The following DAGLB variants were observed in gnomAD, a reference collection of about 807,000 sequenced individuals.
DAGLB encodes the protein diacylglycerol lipase beta, also known as diacylglycerol lipase-beta.
In DAGLB, 66 loss-of-function variants were observed where a neutral mutation model predicts 72.1. The ratio of observed to expected loss-of-function variants is 0.92; its 90% CI spans 0.75 to 1.12. The LOEUF (loss-of-function observed/expected upper bound fraction) is 1.12, where lower values mean the gene tolerates loss of function less well. Ranked by LOEUF, DAGLB falls within the 50% of genes most tolerant of loss-of-function variation. The pLI, the probability that DAGLB is intolerant of heterozygous loss-of-function variation, is 0.00. For synonymous variants in DAGLB, 414 were observed against 359.5 expected (o/e 1.15, Z -1.71); for missense variants, 1,065 against 884.9 (o/e 1.20, Z -2.58).
chr7:6,445,914 T>C (rs1250420637), intron 2 of DAGLB, 39 bp downstream of exon 2: 3 of 1,548,336 alleles, frequency 1.9e-6, no homozygotes, highest in Non-Finnish European at 1.7e-6. Context: ...AATAAAGCTA[T>C]AAAAAAATAG....
chr7:6,425,941 T>C, intron 7 of DAGLB, 47 bp downstream of exon 7: 2 of 1,607,964 alleles, frequency 1.2e-6, no homozygotes, highest in Non-Finnish European at 1.7e-6. Context: ...CTCTAACAGC[T>C]CCAGGACCCA....
intron 9 of DAGLB, among the ~76,000 whole-genome samples, chr7:6,419,369 GC>G (rs1400886405): frequency 6.6e-6 from 1 of 152,070 alleles, no homozygotes; most frequent in Admixed American, 6.6e-5. Flanking sequence ...TCAACTCCAG[GC>G]CACACTCACT....
At chr7:6,446,155 T>C (rs1016284244) in intron 1 of DAGLB, 51 bp from the exon 2 acceptor site, 18 of 1,550,864 alleles carry the variant, frequency 1.2e-5, no homozygotes, top group Non-Finnish European at 1.5e-5. Context: ...AAGGAGCTGC[T>C]GTGTAGAACA....
chr7:6,446,128 G>C, intron 1 of DAGLB, 24 bp from the exon 2 acceptor site: 1 of 1,582,010 alleles, frequency 6.3e-7, no homozygotes, highest in South Asian at 1.1e-5. Context: ...AAAAGGGAAG[G>C]GTCAGAAATG....
At chr7:6,422,676 C>G (rs1784170518) in intron 8 of DAGLB, 1 of 152,598 alleles carries the variant, frequency 6.6e-6, no homozygotes, top group Non-Finnish European at 1.5e-5. Flanking sequence ...ACGGTGGAAG[C>G]TCAACATTGG....
rs1306961929 is a variant in DAGLB at position 6,413,035 on chromosome 7, C to T, written c.1428-1G>A. The T allele has an allele frequency of 1.2e-6, 2 of 1,612,154 alleles. No homozygotes were observed. The highest frequency in any genetic ancestry group is 2.2e-5 in the South Asian group (2 of 91,024). ...CTGAGAATATTCCTGCAGAGCTTTG[C>T]TGAAATTCCAAACAGAGAGAGGATG... is the stretch of plus-strand genomic sequence containing the variant. On this transcript the variant is annotated splice_acceptor_variant, in intron 11 of 14. Coordinates refer to ENST00000297056, the MANE Select transcript of DAGLB (RefSeq NM_139179.4). LOFTEE classifies it high-confidence loss of function.
At chr7:6,427,626 T>A (rs1196707887) in intron 6 of DAGLB, among the ~76,000 whole-genome samples, 1 of 152,082 alleles carries the variant, frequency 6.6e-6, no homozygotes, top group East Asian at 1.9e-4. Context: ...TCATGATCTT[T>A]AAAATAAATA....
At chr7:6,431,878 C>T (rs1278688447) in intron 5 of DAGLB, among the ~76,000 whole-genome samples, 1 of 152,148 alleles carries the variant, frequency 6.6e-6, no homozygotes, top group Non-Finnish European at 1.5e-5. Flanking sequence ...ACAGGTGATG[C>T]AATACAACCA....
At chr7:6,413,557 G>A (rs1783804191) in intron 11 of DAGLB, among the ~76,000 whole-genome samples, 2 of 152,006 alleles carry the variant, frequency 1.3e-5, no homozygotes, top group South Asian at 2.1e-4. Context: ...ATGAACCCGG[G>A]AGGCGGAGCT....
chr7:6,440,451 G>A (rs1272308807), intron 2 of DAGLB, among the ~76,000 whole-genome samples: 1 of 151,898 alleles, frequency 6.6e-6, no homozygotes, highest in African/African-American at 2.4e-5. Flanking sequence ...TCTGGATGGA[G>A]AGGACTGAAT....
chr7:6,436,661 A>T lies in DAGLB; in HGVS notation c.248-128T>A, dbSNP rs142391523. ...GCACACCCGCCTCCTGACTTTTTCT[A>T]CTTATAATTGGTAATCAGCACCTAA... On this transcript the variant is annotated intron_variant, in intron 2 of 14. Coordinates refer to ENST00000297056, the MANE Select transcript of DAGLB (RefSeq NM_139179.4). The T allele has an allele frequency of 7.2e-4, 839 of 1,161,988 alleles. 11 individuals are homozygous for T. The African/African-American group carries it at 0.011, about 16-fold the overall frequency. 72.0% of individuals were successfully genotyped at this position (1,161,988 alleles called of 1,614,324 possible). A position where few individuals can be genotyped will look rare whatever the true frequency, so the allele number is the denominator to read the frequency against.
chr7:6,421,771 C>A lies in DAGLB; in HGVS notation c.1174G>T (p.Val392Leu). Reference protein sequence around the residue: ...VLTDLSAESEVLDVECEVQDR... With the variant: ...VLTDLSAESELLDVECEVQDR... ...TGCACCTCACACTCCACGTCCAGCA[C>A]CTCACTCTCCGCTGACAGGTCCGTA... The change falls in exon 9 of 15, where the codon GTG (valine) becomes TTG (leucine). Residue 392 changes from valine (V) to leucine (L), a missense_variant. By Grantham distance (32) the Val-to-Leu change is conservative. Coordinates refer to ENST00000297056, the MANE Select transcript of DAGLB (RefSeq NM_139179.4). 1 of 1,613,444 alleles carries A rather than the reference C, an allele frequency of 6.2e-7. No homozygotes were observed. Among genetic ancestry groups the A allele is most frequent in the Non-Finnish European group, 8.5e-7 (1 of 1,179,682 alleles).
At chr7:6,412,492 G>C in intron 13 of DAGLB, 1 of 338,332 alleles carries the variant, frequency 3.0e-6, no homozygotes. Context: ...TAGAGACAGG[G>C]TCTTGTTGTG....
Position 6,418,621 on chromosome 7 carries a change from G to A in DAGLB, c.1219-1700C>T, listed in dbSNP as rs903576691. ...GGGTGGAGGAAATCCCACAGAAGATGGGAGATGGTTTTTGATCATCTCTAA... is the reference window on the plus strand; with the variant it reads ...GGGTGGAGGAAATCCCACAGAAGATAGGAGATGGTTTTTGATCATCTCTAA... On this transcript the variant is annotated intron_variant, in intron 9 of 14. Coordinates refer to ENST00000297056, the MANE Select transcript of DAGLB (RefSeq NM_139179.4). Among the ~76,000 whole-genome samples, 6 of 152,040 alleles carry A rather than the reference G, an allele frequency of 3.9e-5. No individual in the cohort carries two copies. In the East Asian group the frequency reaches 1.2e-3, roughly 29 times the overall value.
intron 8 of DAGLB, among the ~76,000 whole-genome samples, chr7:6,423,249 T>C (rs2115260171): frequency 6.6e-6 from 1 of 152,104 alleles, no homozygotes; most frequent in East Asian, 1.9e-4. Context: ...GACCCTGTCT[T>C]AGAAACAAAC....
intron 11 of DAGLB, among the ~76,000 whole-genome samples, chr7:6,414,260 T>C (rs1434172659): frequency 6.6e-6 from 1 of 151,982 alleles, no homozygotes; most frequent in Non-Finnish European, 1.5e-5. Flanking sequence ...TCTGCCGGCC[T>C]TGGCCTCCCA....
At chr7:6,429,412 C>T (rs140929850) in intron 6 of DAGLB, among the ~76,000 whole-genome samples, 13 of 151,442 alleles carry the variant, frequency 8.6e-5, no homozygotes, top group African/African-American at 3.2e-4. Flanking sequence ...ACCAAAGAGA[C>T]ACAGCAACTA....
chr7:6,418,280 G>A (rs956317164), intron 9 of DAGLB, among the ~76,000 whole-genome samples: 11 of 152,038 alleles, frequency 7.2e-5, no homozygotes, highest in African/African-American at 2.7e-4. Flanking sequence ...GAGGCAGGAG[G>A]ATCACTTGAG....
At position 6,410,337 on chromosome 7, in the gene DAGLB, C is replaced by T. The variant is rs1423631493; in HGVS notation, c.1613G>A (p.Gly538Glu). The change falls in exon 14 of 15, where the codon GGA becomes GAA. Residue 538 changes from glycine (G) to glutamate (E), a missense_variant. Physicochemically the swap from Gly to Glu is moderately conservative, Grantham distance 98 (BLOSUM62 -2). Coordinates refer to ENST00000297056, the MANE Select transcript of DAGLB (RefSeq NM_139179.4). The stretch of plus-strand genomic sequence containing the variant: ...CTCCGTGGGCAAGTTGTTGGGGTTT[C>T]CTCCAAACAGTTCGTACCACAAACC... ...LHGLWYELFG[G>E]NPNNLPTELD... The T allele has an allele frequency of 1.9e-6, 3 of 1,613,900 alleles. No homozygotes were observed. The highest frequency in any genetic ancestry group is 1.7e-5 in the Admixed American group (1 of 59,962).
Sources: gnomAD v4.1 joint callset for allele counts (sites outside exome capture counted in the v4.1 genomes callset) on GRCh38, gnomAD v4.1.1 for gene constraint, MANE v1.5 for transcripts, NCBI Gene and HGNC (gene_info 2026-07-23, HGNC 2026-07-21) for gene names.